Variants in MCF2L observed in about 807,000 individuals in gnomAD.
The protein encoded by MCF2L is MCF.2 cell line derived transforming sequence like.
MCF2L carries 97 observed loss-of-function variants against 153.4 expected under a neutral mutation model. The ratio of observed to expected loss-of-function variants is 0.63; its 90% CI spans 0.54 to 0.75. The LOEUF (loss-of-function observed/expected upper bound fraction) is 0.75. MCF2L is among the 30% of genes least tolerant of loss of function. MCF2L has a pLI of 0.00. For missense variants in MCF2L, 1,347 were observed against 1,495.2 expected (o/e 0.90, Z 1.64); for synonymous variants, 659 against 632.2 (o/e 1.04, Z -0.64).
At chr13:113,088,443 C>T (rs990498151) in intron 24 of MCF2L, 38 bp downstream of exon 24, 8 of 1,610,340 alleles carry the variant, frequency 5.0e-6, no homozygotes, top group East Asian at 2.2e-5. Context: ...CCGTAGCTTC[C>T]GCTCCAGGTG....
intron 1 of MCF2L, among the ~76,000 whole-genome samples, chr13:112,999,827 T>A (rs2083286809): frequency 6.6e-6 from 1 of 152,138 alleles, no homozygotes; most frequent in African/African-American, 2.4e-5. Context: ...AATGTAGGAG[T>A]TGTGCCTGCA....
chr13:112,956,285 T>C (rs536380389), intron 2 of MCF2L: 5 of 152,324 alleles, frequency 3.3e-5, no homozygotes, highest in African/African-American at 1.2e-4. Flanking sequence ...AAAAAGAAAA[T>C]GTTTCACCTT....
chr13:113,095,274 C>G (rs1185859782), intron 27 of MCF2L: 1 of 1,187,810 alleles, frequency 8.4e-7, no homozygotes, highest in Non-Finnish European at 1.1e-6. Context: ...GCTGGAGGTG[C>G]AAAGGGGACA....
rs1281351561 is a variant in MCF2L, at chr13:112,984,312, T to C, written c.79+14854T>C. Reference sequence around the variant, plus strand: ...GTGCAATGGTGTGATCTTGGCTCACTGCAACCCTGCCTCCTGGGTTCAAGC... The same window carrying C: ...GTGCAATGGTGTGATCTTGGCTCACCGCAACCCTGCCTCCTGGGTTCAAGC... On this transcript the variant is annotated intron_variant, in intron 1 of 29. Transcript: ENST00000535094. 3.9e-5 allele frequency among the ~76,000 whole-genome samples: 6 copies of C among 152,202 alleles called. No homozygotes were observed. The East Asian group carries it at 1.2e-3, about 29-fold the overall frequency.
chr13:112,912,939 G>C (rs920373268), intron 2 of MCF2L, among the ~76,000 whole-genome samples: 1 of 150,814 alleles, frequency 6.6e-6, no homozygotes, highest in Non-Finnish European at 1.5e-5. Flanking sequence ...CTGTATGATT[G>C]TGTGTGTCTG....
At chr13:112,966,191 A>C (rs1053910662), upstream of MCF2L, 1 of 152,248 alleles carries the variant, frequency 6.6e-6, no homozygotes, top group Non-Finnish European at 1.5e-5. The surrounding 1 kb of genome is among the most constrained non-coding windows in gnomAD (Gnocchi z 4.1). Flanking sequence ...CAAGTATTAA[A>C]TGATGTTTAT....
At chr13:112,989,498 G>A (rs370807409) in intron 1 of MCF2L, among the ~76,000 whole-genome samples, 1 of 13,300 alleles carries the variant, frequency 7.5e-5, no homozygotes. Context: ...CCTGAGCAGG[G>A]GATGGAGCTA....
chr13:112,984,316 A>G (rs942075281), intron 1 of MCF2L, among the ~76,000 whole-genome samples: 2 of 151,806 alleles, frequency 1.3e-5, no homozygotes, highest in African/African-American at 4.8e-5. Flanking sequence ...GCTCACTGCA[A>G]CCCTGCCTCC....
At chr13:112,921,310 A>G (rs1051037773) in intron 2 of MCF2L, among the ~76,000 whole-genome samples, 1 of 152,254 alleles carries the variant, frequency 6.6e-6, no homozygotes, top group Non-Finnish European at 1.5e-5. Flanking sequence ...TGCAAGTTTG[A>G]TGCCTAACAA....
rs974541761 is a variant in MCF2L, at chr13:112,960,920, G to A, written c.170-53843G>A. Among the ~76,000 whole-genome samples, 1 of 152,188 alleles carries A rather than the reference G, an allele frequency of 6.6e-6. No homozygotes were observed. Among genetic ancestry groups the A allele is most frequent in the Non-Finnish European group, 1.5e-5 (1 of 68,018 alleles). ...CTCTCTGTGGTACGTGGGGGCCCAG[G>A]TTCTACCGTGAGTGACTGCAGGCCG... On this transcript the variant is annotated intron_variant, in intron 2 of 29. Transcript: ENST00000375608. The surrounding 1 kb of genome is among the most constrained non-coding windows in gnomAD (Gnocchi z 4.2).
chr13:112,923,440 A>G (rs1161055415), intron 2 of MCF2L, among the ~76,000 whole-genome samples: 1 of 151,012 alleles, frequency 6.6e-6, no homozygotes, highest in Non-Finnish European at 1.5e-5. Flanking sequence ...ATTTTTTTGT[A>G]TTTTTAATAG....
chr13:112,895,307 A>AGG (rs1368007527), intron 1 of MCF2L, among the ~76,000 whole-genome samples: 2 of 152,160 alleles, frequency 1.3e-5, no homozygotes, highest in Admixed American at 1.3e-4. Flanking sequence ...GAAGGGGTTA[A>AGG]GGTGGCCCGG....
chr13:113,060,633 G>A lies in MCF2L; in HGVS notation c.410G>A (p.Arg137His), dbSNP rs1381955463. ...AACCTGCAGCTCGTCCTCGTGCTTC[G>A]CCCGACGGGTTTTTTCCAAAGGACT... ...PANLQLVLVL[R>H]PTGFFQRTLS... Residue 137 changes from arginine to histidine, a missense_variant, in exon 5 of 30, where the codon CGC (arginine) becomes CAC (histidine). This residue lies in a region of MCF2L where 820 missense variants were observed against 921.2 expected (regional missense o/e 0.89). Transcript: ENST00000535094. 7.4e-6 allele frequency: 12 copies of A among 1,613,390 alleles called. No individual in the cohort carries two copies. The highest frequency in any genetic ancestry group is 1.0e-5 in the Non-Finnish European group (12 of 1,180,000).
At position 113,084,725 on chromosome 13, in the gene MCF2L, T is replaced by C; in HGVS notation, c.2062-167T>C. ...CCCCCCAGCGGAGCCTGGGAGCCAGTGCCGGCCCTCGGAAGCTATGGGGCC... is the reference window on the plus strand; with the variant it reads ...CCCCCCAGCGGAGCCTGGGAGCCAGCGCCGGCCCTCGGAAGCTATGGGGCC... On this transcript the variant is annotated intron_variant, in intron 18 of 29. Coordinates refer to ENST00000535094, the MANE Select transcript of MCF2L (RefSeq NM_001112732.3). The C allele has an allele frequency of 6.4e-6, 4 of 626,198 alleles. No individual in the cohort carries two copies. The South Asian group carries it at 7.5e-5, about 12-fold the overall frequency. 38.8% of individuals were successfully genotyped at this position (626,198 alleles called of 1,614,324 possible).
intron 2 of MCF2L, among the ~76,000 whole-genome samples, chr13:112,945,914 C>G (rs1302138405): frequency 6.6e-6 from 1 of 152,184 alleles, no homozygotes; most frequent in Admixed American, 6.5e-5. Flanking sequence ...TTCTAATTTT[C>G]TTATTCTCTT....
In MCF2L at chr13:112,958,357, C is replaced by A. The variant is rs547289189; in HGVS notation, c.169+55986C>A. ...ACAGTCTGCAGGCAGGTGTCCGCTT[C>A]TCCGGGGGACCCTGTCCTATTCTCT... is the stretch of plus-strand genomic sequence containing the variant. On this transcript the variant is annotated intron_variant, in intron 2 of 29. Coordinates refer to the MCF2L transcript ENST00000375608. Among the ~76,000 whole-genome samples the A allele has an allele frequency of 3.3e-5, 5 of 152,338 alleles. No individual in the cohort carries two copies. The East Asian group carries it at 9.7e-4, about 29-fold the overall frequency.
chr13:113,074,150 C>T lies in MCF2L; in HGVS notation c.997-294C>T, dbSNP rs762268812. On this transcript the variant is annotated intron_variant, in intron 9 of 29. Coordinates refer to ENST00000535094, the MANE Select transcript of MCF2L (RefSeq NM_001112732.3). This position sits in a 1 kb window ranked among gnomAD's most constrained non-coding sequence, Gnocchi z 4.2. ...TGCGTGATCTCATCTTCTCCTCATG[C>T]TGTTTTCAGGCGTGTGGTTGATAAA... 3.3e-5 allele frequency among the ~76,000 whole-genome samples: 5 copies of T among 152,118 alleles called. No homozygotes were observed. Among genetic ancestry groups the T allele is most frequent in the Non-Finnish European group, 5.9e-5 (4 of 68,042 alleles).
At chr13:113,040,438 T>TGTGTGTGTG (rs1555372591) in intron 3 of MCF2L, 1 of 14,176 alleles carries the variant, frequency 7.1e-5, no homozygotes, top group Non-Finnish European at 1.5e-4. Flanking sequence ...GTGTGTGTGT[T>TGTGTGTGTG]TCTTTTCCTG....
rs187967862 is a variant in MCF2L, at chr13:113,084,816, T to G, written c.2062-76T>G. 2.0e-4 allele frequency: 221 copies of G among 1,097,676 alleles called. No homozygotes were observed. In the East Asian group the frequency reaches 5.0e-3, roughly 25 times the overall value. 68.0% of individuals were successfully genotyped at this position (1,097,676 alleles called of 1,614,324 possible). ...GCGGTGCCCGTCCCTCACCGCGTAA[T>G]GCGGTGCCCGTCCCTCACCGCGTGA... On this transcript the variant is annotated intron_variant, in intron 18 of 29. Transcript: ENST00000535094.
Sources: gnomAD v4.1 joint callset for allele counts (sites outside exome capture counted in the v4.1 genomes callset) on GRCh38, gnomAD v4.1.1 for gene constraint, gnomAD v4.1.1 regional missense constraint, Gnocchi (gnomAD v3.1) non-coding constraint, MANE v1.5 for transcripts, NCBI Gene and HGNC (gene_info 2026-07-23, HGNC 2026-07-21) for gene names.